Variants in ZNF708 observed in about 807,000 individuals in gnomAD.
The protein encoded by ZNF708 is zinc finger protein 708.
In ZNF708, 44 loss-of-function variants were observed where a neutral mutation model predicts 47.0. The observed-to-expected ratio is 0.94, with a 90% CI of 0.74 to 1.20. ZNF708 has a LOEUF of 1.20. Ranked by LOEUF, ZNF708 falls within the 50% of genes most tolerant of loss-of-function variation. The pLI, the probability that ZNF708 is intolerant of heterozygous loss-of-function variation, is 0.00. For missense variants in ZNF708, 557 were observed against 656.0 expected, an observed-to-expected ratio of 0.85 and a Z score of 1.65; for synonymous variants, 184 against 218.5, an observed-to-expected ratio of 0.84 and a Z score of 1.39.
intron 2 of ZNF708, 110 bp from the exon 3 acceptor site, chr19:21,309,451 T>G (rs1972853077): frequency 1.9e-6 from 2 of 1,066,928 alleles, no homozygotes; most frequent in Non-Finnish European, 2.6e-6. Flanking sequence ...CTCATCCTGG[T>G]AATCCCAGCA....
chr19:21,307,128 AAAAATAAAAT>A (rs1164111080), intron 3 of ZNF708, among the ~76,000 whole-genome samples: 1 of 145,432 alleles, frequency 6.9e-6, no homozygotes, highest in African/African-American at 2.5e-5. Context: ...ATATAAAATA[AAAAATAAAAT>A]AAAATAAAAT....
At position 21,309,510 on chromosome 19, in the gene ZNF708, C is replaced by T. The variant is rs185136182; in HGVS notation, c.131-169G>A. 4.4e-3 allele frequency among the ~76,000 whole-genome samples: 662 copies of T among 152,092 alleles called. 3 individuals are homozygous for T. Among genetic ancestry groups the T allele is most frequent in the African/African-American group, 0.015 (632 of 41,496 alleles). ...ATCACCTGAGGTCAGGAGTTCAAGA[C>T]CAGATGGGTCAACATGGCAAAACCT... On this transcript the variant is annotated intron_variant, in intron 2 of 3. Transcript: ENST00000356929.
intron 3 of ZNF708, among the ~76,000 whole-genome samples, chr19:21,299,734 CT>C (rs767570562): frequency 2.0e-5 from 3 of 149,036 alleles, no homozygotes; most frequent in Non-Finnish European, 4.4e-5. Context: ...GATCACACCA[CT>C]GCACTCCAGC....
chr19:21,309,920 G>A (rs114788316), intron 2 of ZNF708, among the ~76,000 whole-genome samples: 28 of 74,756 alleles, frequency 3.7e-4, no homozygotes, highest in South Asian at 7.5e-4. Flanking sequence ...GTGGGCAACA[G>A]TATTTTATGC....
At position 21,293,693 on chromosome 19, in the gene ZNF708, A is replaced by G. The variant is rs1446757636; in HGVS notation, c.1273T>C (p.Cys425Arg). ...GAGAATATACTAAAGGCTTTACCAC[A>G]TTCTTCACATTTGTAGGGTTTCTTT... ...TGKKPYKCEE[C>R]GKAFSIFSIL... Residue 425 changes from cysteine (C) to arginine (R), a missense_variant, in exon 4 of 4, where the codon TGT (cysteine) becomes CGT (arginine). Cys to Arg is a radical substitution (Grantham distance 180, BLOSUM62 -3). Transcript: ENST00000356929. 1.9e-6 allele frequency: 3 copies of G among 1,613,122 alleles called. No homozygotes were observed. In the South Asian group the frequency reaches 3.3e-5, roughly 18 times the overall value.
intron 1 of ZNF708, among the ~76,000 whole-genome samples, chr19:21,314,938 C>T (rs1340177286): frequency 6.6e-6 from 1 of 152,110 alleles, no homozygotes; most frequent in Non-Finnish European, 1.5e-5. Flanking sequence ...CAATAATAAG[C>T]CAGGCTAGAG....
intron 3 of ZNF708, among the ~76,000 whole-genome samples, chr19:21,297,268 ATATTTTTTTTTTT>A (rs1442117643): frequency 4.6e-4 from 7 of 15,352 alleles, no homozygotes; most frequent in Admixed American, 8.3e-4. Flanking sequence ...ATATATATAT[ATATTTTTTTTTTT>A]TTTTTTTTTT....
At chr19:21,327,845 G>C (rs1973294018) in intron 1 of ZNF708, 1 of 262,682 alleles carries the variant, frequency 3.8e-6, no homozygotes, top group Middle Eastern at 6.1e-4. Context: ...AGCTGGGTTG[G>C]GTGAAGACAA....
chr19:21,324,384 A>C (rs1267523621), intron 1 of ZNF708, among the ~76,000 whole-genome samples: 2 of 152,224 alleles, frequency 1.3e-5, no homozygotes, highest in East Asian at 3.8e-4. Flanking sequence ...CCTGACCAAC[A>C]TGCAGAAACC....
chr19:21,321,505 CT>C (rs1328044621), intron 1 of ZNF708, among the ~76,000 whole-genome samples: 1 of 151,724 alleles, frequency 6.6e-6, no homozygotes, highest in African/African-American at 2.4e-5. Context: ...TCGCTTGAAC[CT>C]GGGAGGCGGA....
intron 1 of ZNF708, among the ~76,000 whole-genome samples, chr19:21,315,928 G>A (rs1426652097): frequency 1.3e-5 from 2 of 151,566 alleles, no homozygotes; most frequent in African/African-American, 4.8e-5. Context: ...TTATTAGCCA[G>A]GCATGGTGGT....
intron 3 of ZNF708, among the ~76,000 whole-genome samples, chr19:21,305,014 ATTCT>A (rs1453336138): frequency 6.6e-6 from 1 of 151,758 alleles, no homozygotes; most frequent in Non-Finnish European, 1.5e-5. Context: ...TCTTCAACAG[ATTCT>A]TTTTTTTTTT....
At chr19:21,303,323 T>G (rs1251996732) in intron 3 of ZNF708, among the ~76,000 whole-genome samples, 1 of 152,036 alleles carries the variant, frequency 6.6e-6, no homozygotes, top group Non-Finnish European at 1.5e-5. Context: ...GAGGCCAAGG[T>G]GGGTGGATCA....
At chr19:21,328,901 C>T (rs1008323398) in intron 1 of ZNF708, among the ~76,000 whole-genome samples, 2 of 152,192 alleles carry the variant, frequency 1.3e-5, no homozygotes, top group African/African-American at 4.8e-5. Flanking sequence ...AGGATTCTCC[C>T]CTGACCACCC....
chr19:21,302,717 A>G (rs890543107), intron 3 of ZNF708, among the ~76,000 whole-genome samples: 3 of 152,090 alleles, frequency 2.0e-5, no homozygotes, highest in African/African-American at 7.2e-5. Context: ...AAAATAAAAT[A>G]TATTATTTTC....
intron 2 of ZNF708, among the ~76,000 whole-genome samples, 194 bp from the exon 3 acceptor site, chr19:21,309,535 T>C (rs2992090): frequency 7.9e-5 from 12 of 152,046 alleles, no homozygotes; most frequent in African/African-American, 2.7e-4. Flanking sequence ...TGGCAAAACC[T>C]TGTCTCTACT....
In ZNF708 at chr19:21,329,270, T is replaced by TCACAGAGC. The variant is rs1358813440; in HGVS notation, c.-66_-59dup. On this transcript the variant is annotated 5_prime_UTR_variant, in exon 1 of 4. Transcript: ENST00000356929. ...CTGTGGATCTCCCAATACCTGCAGG[T>TCACAGAGC]CACAGAGCCACAGAGTCTGGGCCTC... 4.4e-6 allele frequency: 7 copies of TCACAGAGC among 1,605,470 alleles called. No individual in the cohort carries two copies. Among genetic ancestry groups the TCACAGAGC allele is most frequent in the Non-Finnish European group, 6.0e-6 (7 of 1,174,180 alleles).
intron 3 of ZNF708, among the ~76,000 whole-genome samples, chr19:21,296,930 C>G (rs1207091207): frequency 1.3e-5 from 2 of 151,708 alleles, no homozygotes; most frequent in Non-Finnish European, 2.9e-5. Flanking sequence ...GTCAGGAGTT[C>G]AGGACCAGCC....
chr19:21,304,129 G>C (rs1972714093), intron 3 of ZNF708, among the ~76,000 whole-genome samples: 1 of 152,126 alleles, frequency 6.6e-6, no homozygotes, highest in Admixed American at 6.6e-5. Flanking sequence ...GACTGTACAG[G>C]AAGTGTGTGC....
Sources: gnomAD v4.1 joint callset for allele counts (sites outside exome capture counted in the v4.1 genomes callset) on GRCh38, gnomAD v4.1.1 for gene constraint, MANE v1.5 for transcripts, NCBI Gene and HGNC (gene_info 2026-07-23, HGNC 2026-07-21) for gene names.